The following MAGI1 variants were observed in gnomAD, a reference collection of about 807,000 sequenced individuals.
The protein encoded by MAGI1 is membrane-associated guanylate kinase, WW and PDZ domain-containing protein 1.
MAGI1 carries 58 observed loss-of-function variants against 139.9 expected under a neutral mutation model. That is an observed-to-expected ratio of 0.41 (90% CI 0.34 to 0.52). The LOEUF (loss-of-function observed/expected upper bound fraction) is 0.52. MAGI1 is among the 20% of genes least tolerant of loss of function. The pLI, the probability that MAGI1 is intolerant of heterozygous loss-of-function variation, is 0.12. For missense variants in MAGI1, 1,874 were observed against 1,901.6 expected (o/e 0.99, Z 0.27); for synonymous variants, 812 against 737.9 (o/e 1.10, Z -1.63).
intron 1 of MAGI1, among the ~76,000 whole-genome samples, chr3:65,709,734 T>C (rs985526128): frequency 6.6e-6 from 1 of 152,240 alleles, no homozygotes; most frequent in African/African-American, 2.4e-5. Context: ...AGAAGAGTGC[T>C]CATTTCACGT....
At chr3:65,960,099 G>A (rs982694088) in intron 1 of MAGI1, among the ~76,000 whole-genome samples, 5 of 151,910 alleles carry the variant, frequency 3.3e-5, no homozygotes, top group African/African-American at 9.7e-5. Context: ...GAGCCACCGC[G>A]CCCGGCCAAT....
chr3:65,540,398 T>C (rs901395241), intron 2 of MAGI1, among the ~76,000 whole-genome samples: 1 of 152,186 alleles, frequency 6.6e-6, no homozygotes, highest in African/African-American at 2.4e-5. Flanking sequence ...TCATGCTCCA[T>C]AATGTAAGCT....
At chr3:65,777,917 CT>C (rs1004639070) in intron 1 of MAGI1, among the ~76,000 whole-genome samples, 5 of 152,092 alleles carry the variant, frequency 3.3e-5, no homozygotes, top group Non-Finnish European at 5.9e-5. Context: ...ATAATCCTAA[CT>C]AACACTACTA....
chr3:65,524,532 TCAGTGCATCATTCAATTCCA>T (rs2078301142), intron 2 of MAGI1, among the ~76,000 whole-genome samples: 1 of 152,180 alleles, frequency 6.6e-6, no homozygotes, highest in South Asian at 2.1e-4. Context: ...TGGAAGGGTT[TCAGTGCATCATTCAATTCCA>T]CAGTGGACCA....
intron 2 of MAGI1, among the ~76,000 whole-genome samples, chr3:65,506,864 G>A (rs1215528279): frequency 6.6e-6 from 1 of 152,052 alleles, no homozygotes; most frequent in Non-Finnish European, 1.5e-5. Context: ...AATTACAATA[G>A]CAATTCAAAA....
chr3:65,691,170 G>A (rs1426333384), intron 1 of MAGI1, among the ~76,000 whole-genome samples: 3 of 151,998 alleles, frequency 2.0e-5, no homozygotes, highest in African/African-American at 7.2e-5. Flanking sequence ...GGGCGTGGTG[G>A]CGGGCGCCTG....
intron 1 of MAGI1, among the ~76,000 whole-genome samples, chr3:65,788,017 A>T (rs1037779426): frequency 2.0e-5 from 3 of 152,216 alleles, no homozygotes. Context: ...GCAAAGTTAC[A>T]GGTTGCATTT....
chr3:65,520,984 G>C (rs1253006534), intron 2 of MAGI1, among the ~76,000 whole-genome samples: 2 of 152,156 alleles, frequency 1.3e-5, no homozygotes, highest in Non-Finnish European at 2.9e-5. Flanking sequence ...CAACTTAAGA[G>C]ATTCTGCAAA....
chr3:65,554,190 C>A (rs1014862614), intron 2 of MAGI1, among the ~76,000 whole-genome samples: 2 of 152,144 alleles, frequency 1.3e-5, no homozygotes, highest in African/African-American at 4.8e-5. Flanking sequence ...CATCACTTCC[C>A]TTTGAGAAGG....
intron 2 of MAGI1, among the ~76,000 whole-genome samples, chr3:65,547,724 T>A (rs2079571446): frequency 6.6e-6 from 1 of 152,124 alleles, no homozygotes; most frequent in Non-Finnish European, 1.5e-5. Context: ...GGTGGCTGAG[T>A]GTATTGAAGA....
intron 1 of MAGI1, among the ~76,000 whole-genome samples, chr3:65,830,056 T>C (rs183432529): frequency 6.6e-6 from 1 of 152,326 alleles, no homozygotes; most frequent in African/African-American, 2.4e-5. Flanking sequence ...TTTATGCAGA[T>C]GAAGCCTGGT....
intron 13 of MAGI1, among the ~76,000 whole-genome samples, chr3:65,396,916 T>G (rs1191513299): frequency 6.6e-6 from 1 of 152,194 alleles, no homozygotes; most frequent in Non-Finnish European, 1.5e-5. Flanking sequence ...GAGGAGTTAA[T>G]GCAGAAGAAA....
intron 2 of MAGI1, among the ~76,000 whole-genome samples, chr3:65,494,716 A>T (rs1952298933): frequency 1.3e-5 from 2 of 152,220 alleles, no homozygotes. Context: ...ATAACCGACT[A>T]TATGTGCCTA....
chr3:65,751,803 A>G (rs1193287649), intron 1 of MAGI1, among the ~76,000 whole-genome samples: 1 of 152,248 alleles, frequency 6.6e-6, no homozygotes, highest in East Asian at 1.9e-4. Flanking sequence ...TAAAAGATAT[A>G]CAATATTTAG....
intron 1 of MAGI1, among the ~76,000 whole-genome samples, chr3:65,820,597 T>C (rs1420075476): frequency 6.6e-6 from 1 of 152,180 alleles, no homozygotes; most frequent in Non-Finnish European, 1.5e-5. Context: ...AAGCAATTTC[T>C]TAAGTCTATT....
chr3:65,720,138 T>C (rs1317639929), intron 1 of MAGI1: 1 of 152,170 alleles, frequency 6.6e-6, no homozygotes, highest in African/African-American at 2.4e-5. Context: ...GTATCTACAG[T>C]AGTGCCAGGC....
intron 14 of MAGI1, among the ~76,000 whole-genome samples, chr3:65,388,254 G>A (rs1272915125): frequency 6.6e-6 from 1 of 152,194 alleles, no homozygotes; most frequent in African/African-American, 2.4e-5. Flanking sequence ...TAGACCATGT[G>A]AAGGAATGCG....
chr3:65,681,868 G>C (rs900665127), intron 1 of MAGI1, among the ~76,000 whole-genome samples: 1 of 151,880 alleles, frequency 6.6e-6, no homozygotes, highest in Non-Finnish European at 1.5e-5. Flanking sequence ...TTTTTTTGTT[G>C]TTTTTTTATT....
rs114321541 is a variant in MAGI1 at position 65,456,134 on chromosome 3, G to A, written c.960-2794C>T. 2.7e-3 allele frequency among the ~76,000 whole-genome samples: 409 copies of A among 152,324 alleles called. 3 individuals are homozygous for A. Among genetic ancestry groups the A allele is most frequent in the African/African-American group, 8.5e-3 (355 of 41,578 alleles). ...AGACAATCCCACCAGCAATGGATGA[G>A]AGATCCAGTTTCACTGAATTTTTAC... On this transcript the variant is annotated intron_variant, in intron 5 of 22. Transcript: ENST00000402939.
Sources: allele counts gnomAD v4.1 joint callset (sites outside exome capture counted in the v4.1 genomes callset), GRCh38; gene constraint gnomAD v4.1.1; transcripts MANE v1.5; gene names NCBI Gene and HGNC (gene_info 2026-07-23, HGNC 2026-07-21).